The following NCOA1 variants were observed in gnomAD, a reference collection of about 807,000 sequenced individuals.
NCOA1 encodes the protein nuclear receptor coactivator 1, also known as Hin-2 protein.
NCOA1 carries 35 observed loss-of-function variants against 150.9 expected under a neutral mutation model. The observed-to-expected ratio is 0.23, with a 90% confidence interval of 0.18 to 0.31. The LOEUF is 0.31. Among genes scored for constraint, NCOA1 ranks in the 10% least tolerant of loss-of-function variants. NCOA1 has a pLI of 1.00. For missense variants in NCOA1, 1,491 were observed against 1,749.3 expected, an observed-to-expected ratio of 0.85 and a Z score of 2.63; for synonymous variants, 590 against 630.0, an observed-to-expected ratio of 0.94 and a Z score of 0.95.
intron 11 of NCOA1, among the ~76,000 whole-genome samples, chr2:24,700,071 A>T (rs1470133674): frequency 1.3e-5 from 2 of 151,876 alleles, no homozygotes; most frequent in South Asian, 2.1e-4. Context: ...TGAACCCGGG[A>T]GGTGGAGGTT....
chr2:24,663,572 T>G (rs907875670), intron 5 of NCOA1, among the ~76,000 whole-genome samples: 1 of 152,246 alleles, frequency 6.6e-6, no homozygotes, highest in African/African-American at 2.4e-5. Flanking sequence ...CTAGAAGGTC[T>G]GCAATATGAA....
intron 11 of NCOA1, among the ~76,000 whole-genome samples, chr2:24,702,539 G>A (rs1473363591): frequency 6.6e-6 from 1 of 151,988 alleles, no homozygotes; most frequent in Non-Finnish European, 1.5e-5. Context: ...TGTAACCAGG[G>A]AAAATTTAAT....
At chr2:24,648,772 GTATT>G (rs1670587505) in intron 4 of NCOA1, among the ~76,000 whole-genome samples, 1 of 152,022 alleles carries the variant, frequency 6.6e-6, no homozygotes, top group Non-Finnish European at 1.5e-5. Flanking sequence ...AGATTTTAGT[GTATT>G]TATTTTTCTT....
intron 7 of NCOA1, among the ~76,000 whole-genome samples, chr2:24,677,111 C>T (rs1315715378): frequency 1.3e-5 from 2 of 151,880 alleles, no homozygotes; most frequent in African/African-American, 2.4e-5. Flanking sequence ...TGGGAGGCCA[C>T]GGCAGGCGGA....
chr2:24,763,265 C>A (rs930747745), intron 22 of NCOA1, among the ~76,000 whole-genome samples: 1 of 152,064 alleles, frequency 6.6e-6, no homozygotes, highest in Non-Finnish European at 1.5e-5. Context: ...GTGGGCCGGG[C>A]GCGGTGGCTC....
At chr2:24,730,871 C>CAAAAAAAAGA (rs1662967366) in intron 17 of NCOA1, among the ~76,000 whole-genome samples, 1 of 61,904 alleles carries the variant, frequency 1.6e-5, no homozygotes, top group Admixed American at 2.1e-4. Context: ...ACTAAAAGTA[C>CAAAAAAAAGA]AAAAAAAAAA....
intron 15 of NCOA1, 48 bp from the exon 16 acceptor site, chr2:24,728,260 A>G: frequency 1.3e-6 from 2 of 1,523,978 alleles, no homozygotes; most frequent in Non-Finnish European, 1.8e-6. Flanking sequence ...GATTGAATAA[A>G]TTATTTGCTA....
chr2:24,508,293 C>T (rs1263281654), intron 1 of NCOA1, among the ~76,000 whole-genome samples: 1 of 152,006 alleles, frequency 6.6e-6, no homozygotes, highest in Non-Finnish European at 1.5e-5. Flanking sequence ...ATTTAAAAAA[C>T]TTGTGAACCT....
intron 22 of NCOA1, among the ~76,000 whole-genome samples, chr2:24,766,847 C>A (rs1334845044): frequency 6.6e-6 from 1 of 151,808 alleles, no homozygotes; most frequent in Non-Finnish European, 1.5e-5. Flanking sequence ...AGACTGGGCG[C>A]GTTGGTGTGT....
intron 5 of NCOA1, chr2:24,659,215 A>C (rs1437694825): frequency 6.0e-6 from 1 of 167,590 alleles, no homozygotes; most frequent in African/African-American, 2.4e-5. Context: ...TTGTATCCTT[A>C]GTTCCTAAAA....
chr2:24,697,950 G>GT lies in NCOA1; in HGVS notation c.949+153dup, dbSNP rs554894234. ...GGAAAGGAAGAAATGGGTAAGCAAAGTAATTCATGAGTGGATCCTGAAATT... is the reference window on the plus strand; with the variant it reads ...GGAAAGGAAGAAATGGGTAAGCAAAGTTAATTCATGAGTGGATCCTGAAATT... On this transcript the variant is annotated intron_variant, in intron 11 of 22. Transcript: ENST00000348332. 67 of 839,560 alleles carry GT rather than the reference G, an allele frequency of 8.0e-5. No individual in the cohort carries two copies. In the African/African-American group the frequency reaches 1.1e-3, roughly 14 times the overall value. 52.0% of individuals were successfully genotyped at this position (839,560 alleles called of 1,614,324 possible).
intron 9 of NCOA1, among the ~76,000 whole-genome samples, chr2:24,692,437 T>C (rs1426075879): frequency 3.9e-5 from 6 of 152,214 alleles, no homozygotes; most frequent in Admixed American, 3.9e-4. Flanking sequence ...AACTTGGGAA[T>C]GGGACTTTGA....
At position 24,681,908 on chromosome 2, in the gene NCOA1, G is replaced by GTT. The variant is rs564977946; in HGVS notation, c.355-1041_355-1040dup. 2.8e-3 allele frequency among the ~76,000 whole-genome samples: 421 copies of GTT among 152,198 alleles called. 2 individuals carry two copies. The highest frequency in any genetic ancestry group is 9.1e-4 in the Non-Finnish European group (62 of 68,008). On this transcript the variant is annotated intron_variant, in intron 7 of 22. Coordinates refer to ENST00000348332, the MANE Select transcript of NCOA1 (RefSeq NM_003743.5). ...TTTTTGTATTTTTAGTAGAGACGGG[G>GTT]TTTCACCATGTTGGCCAGGATGGTC...
chr2:24,732,986 T>C (rs1663096458), intron 17 of NCOA1, among the ~76,000 whole-genome samples: 1 of 151,850 alleles, frequency 6.6e-6, no homozygotes, highest in Non-Finnish European at 1.5e-5. Flanking sequence ...TAGTCAGAAC[T>C]GAGTCACATG....
chr2:24,501,663 A>G (rs1051533221), intron 1 of NCOA1, among the ~76,000 whole-genome samples: 1 of 152,200 alleles, frequency 6.6e-6, no homozygotes, highest in Non-Finnish European at 1.5e-5. Flanking sequence ...AATGGCTATC[A>G]TGATTCTATA....
intron 1 of NCOA1, among the ~76,000 whole-genome samples, chr2:24,495,532 G>A (rs1459631498): frequency 6.6e-6 from 1 of 152,064 alleles, no homozygotes. Flanking sequence ...GTTTTACTGA[G>A]TAGCCCTGAC....
intron 4 of NCOA1, among the ~76,000 whole-genome samples, chr2:24,655,813 G>A (rs1478094139): frequency 6.6e-6 from 1 of 152,176 alleles, no homozygotes; most frequent in African/African-American, 2.4e-5. Context: ...TAATGGCCGG[G>A]CATGGTGGCT....
intron 1 of NCOA1, among the ~76,000 whole-genome samples, chr2:24,522,455 A>G (rs557285095): frequency 3.3e-5 from 5 of 152,184 alleles, no homozygotes; most frequent in Admixed American, 6.5e-5. Flanking sequence ...CTCTCCAACT[A>G]TAGTAGAGGT....
At chr2:24,728,546 T>G in intron 16 of NCOA1, 70 bp downstream of exon 16, 5 of 1,378,644 alleles carry the variant, frequency 3.6e-6, no homozygotes, top group Non-Finnish European at 4.0e-6. Flanking sequence ...TTAAGCAAGA[T>G]TTTAAAGTAT....
Sources: allele counts gnomAD v4.1 joint callset (sites outside exome capture counted in the v4.1 genomes callset), GRCh38; gene constraint gnomAD v4.1.1; transcripts MANE v1.5; gene names NCBI Gene and HGNC (gene_info 2026-07-23, HGNC 2026-07-21).